C10orf71: variants seen among roughly 807,000 people sequenced by gnomAD.
C10orf71 encodes the protein cardiac-enriched FHL2-interacting protein.
For missense variants in C10orf71, 1,869 were observed against 1,804.5 expected, an observed-to-expected ratio of 1.04 and a Z score of -0.65; for synonymous variants, 758 against 726.3, an observed-to-expected ratio of 1.04 and a Z score of -0.70.
At position 49,326,096 on chromosome 10, in the gene C10orf71, C is replaced by A. The variant is rs1326934154; in HGVS notation, c.3551C>A (p.Ala1184Glu). 14 of 1,551,680 alleles carry A rather than the reference C, an allele frequency of 9.0e-6. No individual in the cohort carries two copies. Among genetic ancestry groups the A allele is most frequent in the Non-Finnish European group, 1.2e-5 (14 of 1,146,980 alleles). ...PPKTEKALRR[A>E]KKLASKRRKT... ...AAAACAGAGAAAGCCCTGCGGCGGG[C>A]AAAGAAGCTGGCAAGTAAGAGGAGG... The change falls in exon 3 of 3, where the codon GCA (alanine) becomes GAA (glutamate). Residue 1184 changes from alanine (A) to glutamate (E), a missense_variant. By Grantham distance (107) the Ala-to-Glu change is moderately radical. Transcript: ENST00000374144.
In C10orf71 at chr10:49,326,943, A is replaced by ACACACACACACG. The variant is rs1849270881; in HGVS notation, c.*101_*102insGCACACACACAC. The ACACACACACACG allele has an allele frequency of 1.9e-6, 3 of 1,561,462 alleles. No individual in the cohort carries two copies. The highest frequency in any genetic ancestry group is 2.4e-5 in the South Asian group (2 of 84,274). ...ACAAGCAACACACACACACACACAC[A>ACACACACACACG]CACACACACACACACACACGATCAT... On this transcript the variant is annotated 3_prime_UTR_variant, in exon 3 of 3. Transcript: ENST00000374144.
intron 1 of C10orf71, among the ~76,000 whole-genome samples, chr10:49,301,738 C>T (rs984510403): frequency 1.3e-5 from 2 of 152,216 alleles, no homozygotes; most frequent in Admixed American, 1.3e-4. Flanking sequence ...CCAGGTCAGA[C>T]AGCCTGGGGA....
chr10:49,325,297 A>T lies in C10orf71; in HGVS notation c.2752A>T (p.Thr918Ser). The T allele has an allele frequency of 6.4e-7, 1 of 1,551,708 alleles. No homozygotes were observed. The highest frequency in any genetic ancestry group is 2.0e-5 in the Admixed American group (1 of 51,008). Residue 918 changes from threonine (T) to serine (S), a missense_variant, in exon 3 of 3, where the codon ACA becomes TCA. Transcript: ENST00000374144. The stretch of plus-strand genomic sequence containing the variant: ...AAACCAGGACATTCTTGGTACATCG[A>T]CACCCACTAACACACGGGGCACACG... ...PENQDILGTS[T>S]PTNTRGTRVK...
At chr10:49,313,474 C>T (rs1284755754) in intron 1 of C10orf71, among the ~76,000 whole-genome samples, 1 of 152,124 alleles carries the variant, frequency 6.6e-6, no homozygotes, top group Non-Finnish European at 1.5e-5. Flanking sequence ...ACTGGAAAGC[C>T]ATCGAGAGAT....
chr10:49,324,794 A>G lies in C10orf71; in HGVS notation c.2249A>G (p.Glu750Gly). Reference protein sequence around the residue: ...FDDQQKMWFTENQREDRRKDV... With the variant: ...FDDQQKMWFTGNQREDRRKDV... ...GATCAGCAGAAGATGTGGTTTACTG[A>G]GAACCAGCGGGAAGACAGGAGGAAG... The change falls in exon 3 of 3, where the codon GAG becomes GGG. Residue 750 changes from glutamate to glycine, a missense_variant. By Grantham distance (98) the Glu-to-Gly change is moderately conservative. Coordinates refer to ENST00000374144, the MANE Select transcript of C10orf71 (RefSeq NM_001135196.2). 6.4e-7 allele frequency: 1 copy of G among 1,552,328 alleles called. No homozygotes were observed. Among genetic ancestry groups the G allele is most frequent in the Non-Finnish European group, 8.7e-7 (1 of 1,147,190 alleles).
chr10:49,309,368 C>A (rs1370584468), intron 1 of C10orf71, among the ~76,000 whole-genome samples: 1 of 150,900 alleles, frequency 6.6e-6, no homozygotes, highest in Admixed American at 6.6e-5. Flanking sequence ...CACACTCACT[C>A]TCTCTCTCTC....
chr10:49,325,264 G>GC lies in C10orf71; in HGVS notation c.2724dup (p.Glu909ArgfsTer13), dbSNP rs1849201246. Reference sequence around the variant, plus strand: ...ATGGGGTGAGGATCCTGGGTTTTGTGCCCCCGAAAACCAGGACATTCTTGG... The same window carrying GC: ...ATGGGGTGAGGATCCTGGGTTTTGTGCCCCCCGAAAACCAGGACATTCTTGG... On this transcript the variant is annotated frameshift_variant, in exon 3 of 3. Transcript: ENST00000374144. LOFTEE classifies it low-confidence loss of function (END_TRUNC). The GC allele has an allele frequency of 1.3e-6, 2 of 1,551,632 alleles. No individual in the cohort carries two copies. The highest frequency in any genetic ancestry group is 2.7e-5 in the African/African-American group (2 of 73,018).
At position 49,324,566 on chromosome 10, in the gene C10orf71, G is replaced by A. The variant is rs200604581; in HGVS notation, c.2021G>A (p.Arg674Lys). 1 of 1,613,836 alleles carries A rather than the reference G, an allele frequency of 6.2e-7. No homozygotes were observed. Among genetic ancestry groups the A allele is most frequent in the African/African-American group, 1.3e-5 (1 of 75,016 alleles). Reference protein sequence around the residue: ...KTHQLENGLSRSVSQETEPER... With the variant: ...KTHQLENGLSKSVSQETEPER... ...CACCAGCTAGAGAATGGGCTCTCCA[G>A]ATCTGTGTCCCAAGAGACAGAACCT... is the stretch of plus-strand genomic sequence containing the variant. Residue 674 changes from arginine to lysine, a missense_variant, in exon 3 of 3, where the codon AGA (arginine) becomes AAA (lysine). Arg to Lys is a conservative substitution (Grantham distance 26). Transcript: ENST00000374144.
At position 49,324,812 on chromosome 10, in the gene C10orf71, G is replaced by A. The variant is rs1234057943; in HGVS notation, c.2267G>A (p.Arg756Lys). ...MWFTENQRED[R>K]RKDVSAGDSQ... ...TTTACTGAGAACCAGCGGGAAGACA[G>A]GAGGAAGGATGTGAGTGCAGGTGAC... The change falls in exon 3 of 3, where the codon AGG (arginine) becomes AAG (lysine). Residue 756 changes from arginine to lysine, a missense_variant. Physicochemically the swap from Arg to Lys is conservative, Grantham distance 26. Coordinates refer to ENST00000374144, the MANE Select transcript of C10orf71 (RefSeq NM_001135196.2). 1.8e-5 allele frequency: 28 copies of A among 1,551,978 alleles called. No individual in the cohort carries two copies. The highest frequency in any genetic ancestry group is 1.7e-4 in the Middle Eastern group (1 of 6,016).
upstream of C10orf71, among the ~76,000 whole-genome samples, chr10:49,297,362 A>G (rs990730690): frequency 1.3e-5 from 2 of 152,226 alleles, no homozygotes; most frequent in Non-Finnish European, 2.9e-5. Flanking sequence ...ATTTGTTTCA[A>G]TGTGTACTGG....
Position 49,323,725 on chromosome 10 carries a change from C to A in C10orf71, c.1180C>A (p.Leu394Ile), listed in dbSNP as rs1849149517. 1 of 1,613,978 alleles carries A rather than the reference C, an allele frequency of 6.2e-7. No homozygotes were observed. Among genetic ancestry groups the A allele is most frequent in the East Asian group, 2.2e-5 (1 of 44,870 alleles). ...PKTGKKGKES[L>I]QDTLEEKTQT... ...GACTGGCAAAAAAGGGAAAGAAAGT[C>A]TACAAGATACTTTAGAAGAAAAGAC... The change falls in exon 3 of 3, where the codon CTA becomes ATA. Residue 394 changes from leucine to isoleucine, a missense_variant. By Grantham distance (5) the Leu-to-Ile change is conservative. Coordinates refer to ENST00000374144, the MANE Select transcript of C10orf71 (RefSeq NM_001135196.2).
chr10:49,300,694 G>A (rs1279779575), intron 1 of C10orf71, among the ~76,000 whole-genome samples: 3 of 152,174 alleles, frequency 2.0e-5, no homozygotes, highest in Non-Finnish European at 2.9e-5. Context: ...GGGCTGAGCA[G>A]GGCAGATTGT....
At chr10:49,305,934 A>T (rs1848805084) in intron 1 of C10orf71, among the ~76,000 whole-genome samples, 1 of 152,208 alleles carries the variant, frequency 6.6e-6, no homozygotes, top group Non-Finnish European at 1.5e-5. Flanking sequence ...ATTAGGATGG[A>T]GCAGTACATA....
At chr10:49,317,982 G>A (rs913989563) in intron 2 of C10orf71, among the ~76,000 whole-genome samples, 2 of 152,168 alleles carry the variant, frequency 1.3e-5, no homozygotes, top group Non-Finnish European at 2.9e-5. Context: ...GGCTAGGATC[G>A]ATTCTTCCTT....
At chr10:49,318,325 G>T (rs1488137552) in intron 2 of C10orf71, among the ~76,000 whole-genome samples, 2 of 152,232 alleles carry the variant, frequency 1.3e-5, no homozygotes, top group African/African-American at 4.8e-5. Flanking sequence ...TACTGGGGAA[G>T]GCGTGGGCTT....
Position 49,326,404 on chromosome 10 carries a change from G to T in C10orf71, c.3859G>T (p.Val1287Phe). ...GGATCCGCAGTCCGGGGAGTACTTT[G>T]TCTTCGACTTGCCACTCCAGGTGAA... is the stretch of plus-strand genomic sequence containing the variant. ...LQDPQSGEYF[V>F]FDLPLQVKIK... Residue 1287 changes from valine (V) to phenylalanine (F), a missense_variant, in exon 3 of 3, where the codon GTC becomes TTC. By Grantham distance (50) the Val-to-Phe change is conservative (BLOSUM62 -1). Coordinates refer to ENST00000374144, the MANE Select transcript of C10orf71 (RefSeq NM_001135196.2). 6.4e-7 allele frequency: 1 copy of T among 1,550,546 alleles called. No homozygotes were observed. The highest frequency in any genetic ancestry group is 1.4e-5 in the African/African-American group (1 of 73,158).
In C10orf71 at chr10:49,325,804, G is replaced by C; in HGVS notation, c.3259G>C (p.Glu1087Gln). ...EESSQAPGGP[E>Q]LLPEEPNQAS... is the part of the protein sequence containing the mutation. ...GTCTTCCCAGGCCCCTGGAGGACCA[G>C]AGCTGCTTCCCGAGGAGCCTAATCA... The change falls in exon 3 of 3, where the codon GAG becomes CAG. Residue 1087 changes from glutamate to glutamine, a missense_variant. Glu to Gln is a conservative substitution (Grantham distance 29). Coordinates refer to ENST00000374144, the MANE Select transcript of C10orf71 (RefSeq NM_001135196.2). 1.9e-6 allele frequency: 3 copies of C among 1,551,506 alleles called. No homozygotes were observed. Among genetic ancestry groups the C allele is most frequent in the Non-Finnish European group, 2.6e-6 (3 of 1,146,926 alleles).
chr10:49,309,632 C>T (rs928880793), intron 1 of C10orf71, among the ~76,000 whole-genome samples: 6 of 152,150 alleles, frequency 3.9e-5, no homozygotes, highest in African/African-American at 1.2e-4. Context: ...ACAGAGAGGT[C>T]GAGAGCTTGG....
At chr10:49,318,065 A>G (rs1044174272) in intron 2 of C10orf71, among the ~76,000 whole-genome samples, 4 of 152,186 alleles carry the variant, frequency 2.6e-5, no homozygotes, top group African/African-American at 9.7e-5. Flanking sequence ...GTGCGGCAAT[A>G]CATTTTCAAT....
Sources: gnomAD v4.1 joint callset for allele counts (sites outside exome capture counted in the v4.1 genomes callset) on GRCh38, gnomAD v4.1.1 for gene constraint, MANE v1.5 for transcripts, NCBI Gene and HGNC (gene_info 2026-07-23, HGNC 2026-07-21) for gene names.